The following NRG1 variants were observed in gnomAD, a reference collection of about 807,000 sequenced individuals.
The protein encoded by NRG1 is pro-neuregulin-1, membrane-bound isoform.
In NRG1, 18 loss-of-function variants were observed where a neutral mutation model predicts 63.8. The ratio of observed to expected loss-of-function variants is 0.28; its 90% confidence interval spans 0.19 to 0.42. NRG1 has a LOEUF of 0.42. Among genes scored for constraint, NRG1 ranks in the 10% least tolerant of loss-of-function variants. The pLI, the probability that NRG1 is intolerant of heterozygous loss-of-function variation, is 1.00. For synonymous variants in NRG1, 302 were observed against 301.3 expected (o/e 1.00, Z -0.02); for missense variants, 762 against 814.7 (o/e 0.94, Z 0.79).
chr8:32,111,727 A>G (rs2131454702), intron 1 of NRG1, among the ~76,000 whole-genome samples: 1 of 152,278 alleles, frequency 6.6e-6, no homozygotes, highest in Admixed American at 6.5e-5. Context: ...TCCAATATAG[A>G]CTCAGGAAGA....
intron 1 of NRG1, among the ~76,000 whole-genome samples, chr8:31,729,547 A>G (rs978442992): frequency 1.3e-5 from 2 of 152,148 alleles, no homozygotes; most frequent in African/African-American, 4.8e-5. Flanking sequence ...GCTAGTATAG[A>G]CAGGTTTGAA....
intron 1 of NRG1, among the ~76,000 whole-genome samples, chr8:31,808,908 T>TTTTTG (rs1170046293): frequency 2.6e-5 from 4 of 152,206 alleles, no homozygotes; most frequent in African/African-American, 9.6e-5. Context: ...CTTGGGTAAT[T>TTTTTG]TTTTGTTTTG....
At position 31,661,654 on chromosome 8, in the gene NRG1, T is replaced by C. The variant is rs74405906; in HGVS notation, c.37+22223T>C. ...TCATTGATTTCTACTGATAGGTTTA[T>C]AGCAAATGACTTTACACAAAGTTAT... On this transcript the variant is annotated intron_variant, in intron 1 of 10. Coordinates refer to the NRG1 transcript ENST00000519301. 9.7e-3 allele frequency among the ~76,000 whole-genome samples: 1,484 copies of C among 152,370 alleles called. 6 individuals carry two copies. The highest frequency in any genetic ancestry group is 0.017 in the Non-Finnish European group (1,164 of 68,044).
chr8:31,817,562 T>A (rs1203075244), intron 1 of NRG1, among the ~76,000 whole-genome samples: 1 of 152,226 alleles, frequency 6.6e-6, no homozygotes, highest in Non-Finnish European at 1.5e-5. Flanking sequence ...TAGAAAATCT[T>A]TATATTTGCA....
At chr8:32,750,474 C>T (rs1828477774) in intron 7 of NRG1, among the ~76,000 whole-genome samples, 1 of 152,074 alleles carries the variant, frequency 6.6e-6, no homozygotes, top group African/African-American at 2.4e-5. Flanking sequence ...ATGCTGCCTG[C>T]AGTCCCGGAC....
chr8:32,764,336 G>T (rs747143197), exon 12 of NRG1: 5 of 1,613,272 alleles, frequency 3.1e-6, no homozygotes, highest in East Asian at 4.5e-5. Flanking sequence ...GCCGCTTCTC[G>T]ACACAGGAAG....
intron 1 of NRG1, among the ~76,000 whole-genome samples, chr8:32,409,986 TCCCCTCCAAA>T (rs959031222): frequency 6.6e-6 from 1 of 151,976 alleles, no homozygotes; most frequent in Non-Finnish European, 1.5e-5. Flanking sequence ...GCTTAAGCCA[TCCCCTCCAAA>T]CCCTGCCTCT....
At chr8:32,412,463 T>TATGTATATATATATATATATATATAC (rs1563428932) in intron 1 of NRG1, among the ~76,000 whole-genome samples, 1 of 115,238 alleles carries the variant, frequency 8.7e-6, no homozygotes, top group Non-Finnish European at 1.9e-5. Context: ...CATATATATA[T>TATGTATATATATATATATATATATAC]ATATATATAT....
At chr8:31,996,637 C>A (rs1812014031) in intron 1 of NRG1, among the ~76,000 whole-genome samples, 1 of 151,868 alleles carries the variant, frequency 6.6e-6, no homozygotes, top group African/African-American at 2.4e-5. Context: ...CTCAGCTACT[C>A]AGGAGGCTGA....
At chr8:31,663,537 G>T (rs1158947668) in intron 1 of NRG1, among the ~76,000 whole-genome samples, 1 of 152,164 alleles carries the variant, frequency 6.6e-6, no homozygotes, top group Admixed American at 6.5e-5. Flanking sequence ...ATTATGGATA[G>T]AAGATTGAAG....
intron 1 of NRG1, among the ~76,000 whole-genome samples, chr8:31,936,206 T>A (rs980798696): frequency 2.0e-5 from 3 of 152,250 alleles, no homozygotes; most frequent in South Asian, 2.1e-4. Context: ...ATTTGGCTAC[T>A]TCTATTTAAG....
intron 1 of NRG1, among the ~76,000 whole-genome samples, chr8:31,887,588 C>G (rs555580086): frequency 4.6e-4 from 70 of 152,072 alleles, no homozygotes; most frequent in African/African-American, 1.6e-3. Flanking sequence ...GGGGGAAACA[C>G]AGAGGGATAC....
intron 1 of NRG1, among the ~76,000 whole-genome samples, chr8:32,372,361 G>A (rs1008385783): frequency 6.6e-6 from 1 of 151,832 alleles, no homozygotes; most frequent in Non-Finnish European, 1.5e-5. Context: ...TCTCCATGCT[G>A]TTTAACAAGT....
At position 32,616,403 on chromosome 8, in the gene NRG1, T is replaced by C. The variant is rs182211873; in HGVS notation, c.452-432T>C. On this transcript the variant is annotated intron_variant, in intron 4 of 11. Coordinates refer to ENST00000356819, the Ensembl canonical transcript of NRG1. ...TTGCCTGGAAATACTCTCAATCTTGTTTGTTTATTTATTTGGCATGCATGA... is the reference window on the plus strand; with the variant it reads ...TTGCCTGGAAATACTCTCAATCTTGCTTGTTTATTTATTTGGCATGCATGA... Among the ~76,000 whole-genome samples, 63 of 152,270 alleles carry C rather than the reference T, an allele frequency of 4.1e-4. 2 individuals carry two copies. The highest frequency in any genetic ancestry group is 7.4e-4 in the Non-Finnish European group (50 of 68,010).
chr8:32,759,148 T>C (rs1830226847), intron 9 of NRG1, among the ~76,000 whole-genome samples, 158 bp from the exon 10 acceptor site: 2 of 152,150 alleles, frequency 1.3e-5, no homozygotes, highest in African/African-American at 2.4e-5. Context: ...ATTTTCCACC[T>C]GGCCATTGGG....
intron 1 of NRG1, among the ~76,000 whole-genome samples, chr8:31,794,804 A>G: frequency 6.6e-6 from 1 of 151,940 alleles, no homozygotes; most frequent in East Asian, 1.9e-4. Context: ...GTTTTGTAAT[A>G]TGTTTCTAAA....
chr8:32,276,531 G>A (rs1380476687), intron 1 of NRG1, among the ~76,000 whole-genome samples: 1 of 152,014 alleles, frequency 6.6e-6, no homozygotes, highest in Non-Finnish European at 1.5e-5. Flanking sequence ...TATGAGACAG[G>A]ATCTCATTCT....
At chr8:32,264,403 C>CA (rs1191928378) in intron 1 of NRG1, among the ~76,000 whole-genome samples, 4 of 151,814 alleles carry the variant, frequency 2.6e-5, no homozygotes, top group Admixed American at 6.6e-5. Flanking sequence ...AACATTAGCA[C>CA]AAAAAAATGT....
At chr8:32,002,317 C>G (rs1035514802) in intron 1 of NRG1, among the ~76,000 whole-genome samples, 2 of 152,076 alleles carry the variant, frequency 1.3e-5, no homozygotes, top group African/African-American at 4.8e-5. Context: ...AGCCACCATG[C>G]CTGGATGGAA....
Sources: allele counts gnomAD v4.1 joint callset (sites outside exome capture counted in the v4.1 genomes callset), GRCh38; gene constraint gnomAD v4.1.1; transcripts MANE v1.5; gene names NCBI Gene and HGNC (gene_info 2026-07-23, HGNC 2026-07-21).